Variants in CEP128 observed in about 807,000 individuals in gnomAD.
The protein encoded by CEP128 is centrosomal protein 128kDa.
Under a neutral mutation model 156.7 loss-of-function variants are expected in CEP128, and 132 were observed. That is an observed-to-expected ratio of 0.84 (90% confidence interval 0.73 to 0.97). The LOEUF (loss-of-function observed/expected upper bound fraction) is 0.97. Ranked by LOEUF, CEP128 falls within the 50% of genes least tolerant of loss-of-function variation. The pLI is 0.00. For missense variants in CEP128, 1,252 were observed against 1,281.9 expected (o/e 0.98, Z 0.36); for synonymous variants, 469 against 448.9 (o/e 1.04, Z -0.57).
chr14:80,936,576 G>A (rs938606686), intron 2 of CEP128, among the ~76,000 whole-genome samples: 30 of 152,164 alleles, frequency 2.0e-4, no homozygotes, highest in African/African-American at 7.2e-4. Flanking sequence ...AAGTCTCTGA[G>A]TCATTCATAA....
At chr14:80,823,403 T>C (rs190171267) in intron 13 of CEP128, among the ~76,000 whole-genome samples, 17 of 152,332 alleles carry the variant, frequency 1.1e-4, no homozygotes, top group African/African-American at 4.1e-4. Flanking sequence ...ATGTCAACCC[T>C]CACTCTAAAC....
At chr14:80,876,300 TA>T (rs1031503457) in intron 8 of CEP128, among the ~76,000 whole-genome samples, 2 of 149,808 alleles carry the variant, frequency 1.3e-5, no homozygotes, top group South Asian at 2.1e-4. Flanking sequence ...TATTACACCT[TA>T]AAAAAAAAGC....
At chr14:80,539,259 G>A (rs1183185624) in intron 21 of CEP128, among the ~76,000 whole-genome samples, 1 of 152,140 alleles carries the variant, frequency 6.6e-6, no homozygotes, top group Non-Finnish European at 1.5e-5. Context: ...GAGTGATAGG[G>A]TTTCTATTTT....
At chr14:80,718,827 T>C (rs1364274353) in intron 19 of CEP128, among the ~76,000 whole-genome samples, 3 of 152,210 alleles carry the variant, frequency 2.0e-5, no homozygotes, top group South Asian at 2.1e-4. Context: ...AATAGGTACA[T>C]GGGCTTAACA....
At chr14:80,693,697 T>C (rs1400974796) in intron 19 of CEP128, among the ~76,000 whole-genome samples, 1 of 152,186 alleles carries the variant, frequency 6.6e-6, no homozygotes, top group Non-Finnish European at 1.5e-5. Context: ...CAGTTCCCTA[T>C]ATATGGATGT....
At chr14:80,693,682 A>G (rs1896793839) in intron 19 of CEP128, among the ~76,000 whole-genome samples, 2 of 152,208 alleles carry the variant, frequency 1.3e-5, no homozygotes, top group Non-Finnish European at 2.9e-5. Flanking sequence ...AGTATCATAA[A>G]GAGGCAGTTC....
At position 80,785,564 on chromosome 14, in the gene CEP128, G is replaced by A. The variant is rs1315375184; in HGVS notation, c.1561-19C>T. On this transcript the variant is annotated intron_variant, in intron 14 of 24. Coordinates refer to ENST00000555265, the MANE Select transcript of CEP128 (RefSeq NM_152446.5). The stretch of plus-strand genomic sequence containing the variant: ...TTAAAATCTATCAGGTTAAGAACAT[G>A]AAGCAAAAGAAAAAAATAAAAGTTA... 6.5e-7 allele frequency: 1 copy of A among 1,532,642 alleles called. No homozygotes were observed. The allele number at this position is 1,532,642 out of a possible 1,614,324, so 94.9% of individuals were successfully genotyped here.
intron 16 of CEP128, among the ~76,000 whole-genome samples, chr14:80,771,209 T>A (rs1223108857): frequency 6.6e-6 from 1 of 152,212 alleles, no homozygotes; most frequent in East Asian, 1.9e-4. Context: ...AATAAGAGTA[T>A]ATGGTAATTT....
chr14:80,910,767 C>G (rs1329967623), intron 4 of CEP128, among the ~76,000 whole-genome samples: 1 of 152,010 alleles, frequency 6.6e-6, no homozygotes, highest in East Asian at 1.9e-4. Flanking sequence ...CTCCCTCTAG[C>G]CAAAGATAAA....
intron 2 of CEP128, among the ~76,000 whole-genome samples, chr14:80,928,188 T>C (rs1321856959): frequency 1.3e-5 from 2 of 152,034 alleles, no homozygotes; most frequent in Admixed American, 1.3e-4. Context: ...TCTACCCAAA[T>C]AAGAAGGAAA....
At position 80,879,305 on chromosome 14, in the gene CEP128, C is replaced by T. The variant is rs565316100; in HGVS notation, c.645+16413G>A. Among the ~76,000 whole-genome samples the T allele has an allele frequency of 2.6e-5, 4 of 152,226 alleles. No individual in the cohort carries two copies. In the South Asian group the frequency reaches 6.2e-4, roughly 24 times the overall value. On this transcript the variant is annotated intron_variant, in intron 8 of 24. Transcript: ENST00000555265. ...AAAATGATAAAGCAAGGAAATATGA[C>T]ACCACCAAAGGACCACAATAATTAT...
At chr14:80,715,035 C>G (rs1189512107) in intron 19 of CEP128, among the ~76,000 whole-genome samples, 1 of 152,010 alleles carries the variant, frequency 6.6e-6, no homozygotes, top group Non-Finnish European at 1.5e-5. Context: ...CCAGCCTGGG[C>G]AACATGGTGA....
At chr14:80,676,338 T>G (rs1266578471) in intron 19 of CEP128, among the ~76,000 whole-genome samples, 2 of 152,124 alleles carry the variant, frequency 1.3e-5, no homozygotes, top group African/African-American at 4.8e-5. Context: ...ATCTTTAAAC[T>G]TACGTTTCCT....
intron 23 of CEP128, among the ~76,000 whole-genome samples, chr14:80,523,995 ATTCCAATAAAAC>A (rs1888866018): frequency 6.6e-6 from 1 of 152,358 alleles, no homozygotes; most frequent in Non-Finnish European, 1.5e-5. Context: ...GTGTGGTTGT[ATTCCAATAAAAC>A]TTTATTTACA....
chr14:80,706,050 T>C (rs1170478620), intron 19 of CEP128, among the ~76,000 whole-genome samples: 1 of 152,140 alleles, frequency 6.6e-6, no homozygotes, highest in Non-Finnish European at 1.5e-5. Context: ...CATTAGTAAA[T>C]TAACAAATAA....
chr14:80,616,656 T>G (rs956918285), intron 19 of CEP128, among the ~76,000 whole-genome samples: 2 of 152,244 alleles, frequency 1.3e-5, no homozygotes, highest in African/African-American at 4.8e-5. Flanking sequence ...CTTACTTTAG[T>G]TCTCCCAATA....
chr14:80,578,520 T>G (rs1024702828), intron 20 of CEP128, among the ~76,000 whole-genome samples: 2 of 152,148 alleles, frequency 1.3e-5, no homozygotes, highest in African/African-American at 4.8e-5. Context: ...TAATCCACAC[T>G]AAACACTTCT....
chr14:80,799,313 T>C (rs1323199026), intron 13 of CEP128, among the ~76,000 whole-genome samples: 1 of 152,248 alleles, frequency 6.6e-6, no homozygotes, highest in Non-Finnish European at 1.5e-5. Flanking sequence ...CTGTCTTTAC[T>C]TTAATCTCTT....
rs1474539924 is a variant in CEP128 at position 80,830,081 on chromosome 14, A to G, written c.1209+1062T>C. On this transcript the variant is annotated intron_variant, in intron 13 of 24. Transcript: ENST00000555265. ...GACTTCAGCAAAATAATCATATTTT[A>G]GCATTTTCATCAGCAGGATCAAGGG... The G allele has an allele frequency of 3.0e-4, 123 of 407,736 alleles. 2 individuals carry two copies. The highest frequency in any genetic ancestry group is 4.2e-5 in the Admixed American group (1 of 23,574). The allele number at this position is 407,736 out of a possible 1,614,324, so 25.3% of individuals were successfully genotyped here.
Sources: allele counts gnomAD v4.1 joint callset (sites outside exome capture counted in the v4.1 genomes callset), GRCh38; gene constraint gnomAD v4.1.1; transcripts MANE v1.5; gene names NCBI Gene and HGNC (gene_info 2026-07-23, HGNC 2026-07-21).